The following PRUNE2 variants were observed in gnomAD, a reference collection of about 807,000 sequenced individuals.
PRUNE2 encodes protein prune homolog 2.
In PRUNE2, 164 loss-of-function variants were observed where a neutral mutation model predicts 252.0. The ratio of observed to expected loss-of-function variants is 0.65; its 90% CI spans 0.57 to 0.74. The LOEUF (loss-of-function observed/expected upper bound fraction) is 0.74. Among genes scored for constraint, PRUNE2 ranks in the 30% least tolerant of loss-of-function variants. The probability of loss-of-function intolerance (pLI) is 0.00; values close to 1 mark genes in which losing one functional copy is unlikely to be tolerated. For synonymous variants in PRUNE2, 1,292 were observed against 1,350.2 expected, an observed-to-expected ratio of 0.96 and a Z score of 0.94; for missense variants, 3,495 against 3,711.0, an observed-to-expected ratio of 0.94 and a Z score of 1.51.
Position 76,708,266 on chromosome 9 carries a change from C to T in PRUNE2, c.4008G>A (p.Arg1336=), listed in dbSNP as rs1554714567. The change falls in exon 8 of 19, where the codon AGG becomes AGA. Residue 1336 remains arginine, a synonymous_variant. Transcript: ENST00000376718. Reference sequence around the variant, plus strand: ...TCACCTCCTCTTCATCAAGGTGCCCCCTGTCAGTGGCTCCCTGGGCTTCCT... The same window carrying T: ...TCACCTCCTCTTCATCAAGGTGCCCTCTGTCAGTGGCTCCCTGGGCTTCCT... The part of the protein sequence containing the change: ...SEKEAQGATD[R]GHLDEEEVIA... 1 of 1,613,764 alleles carries T rather than the reference C, an allele frequency of 6.2e-7. No homozygotes were observed. The highest frequency in any genetic ancestry group is 2.2e-5 in the East Asian group (1 of 44,882).
At chr9:76,825,994 A>T (rs1000390986) in intron 5 of PRUNE2, among the ~76,000 whole-genome samples, 1 of 152,204 alleles carries the variant, frequency 6.6e-6, no homozygotes, top group Non-Finnish European at 1.5e-5. Context: ...TCCTATCAGC[A>T]TAAGGATTGC....
At chr9:76,786,481 C>T (rs977207362) in intron 6 of PRUNE2, 1 of 152,292 alleles carries the variant, frequency 6.6e-6, no homozygotes, top group Admixed American at 6.5e-5. Context: ...GAGTTGAATT[C>T]TCCTATTATG....
chr9:76,762,501 T>C (rs952293114), intron 6 of PRUNE2, among the ~76,000 whole-genome samples: 10 of 152,300 alleles, frequency 6.6e-5, no homozygotes, highest in African/African-American at 4.8e-5. Context: ...CTTTTTACTA[T>C]AGATTCCACA....
intron 9 of PRUNE2, among the ~76,000 whole-genome samples, chr9:76,674,026 T>C (rs1409382243): frequency 1.3e-5 from 2 of 152,114 alleles, no homozygotes; most frequent in Admixed American, 6.5e-5. Context: ...ACCACCTCTA[T>C]TCAACATAGT....
At chr9:76,865,132 T>C (rs1328592523) in intron 1 of PRUNE2, among the ~76,000 whole-genome samples, 1 of 152,204 alleles carries the variant, frequency 6.6e-6, no homozygotes, top group Non-Finnish European at 1.5e-5. Context: ...GTAGTGCACC[T>C]CAGTGTTAGA....
chr9:76,639,033 T>C (rs971269433), intron 12 of PRUNE2, among the ~76,000 whole-genome samples: 4 of 152,182 alleles, frequency 2.6e-5, no homozygotes, highest in African/African-American at 9.7e-5. Context: ...CTTAAGCGTA[T>C]GTCCTGTCCT....
chr9:76,779,162 T>C (rs534375659), intron 6 of PRUNE2, among the ~76,000 whole-genome samples: 1 of 152,168 alleles, frequency 6.6e-6, no homozygotes, highest in African/African-American at 2.4e-5. Flanking sequence ...GCAATACTTA[T>C]GTTCACAGGA....
intron 6 of PRUNE2, among the ~76,000 whole-genome samples, chr9:76,752,909 T>C (rs887319533): frequency 6.6e-6 from 1 of 152,210 alleles, no homozygotes; most frequent in African/African-American, 2.4e-5. Context: ...AAAAGAGTCA[T>C]TGGGCTGCCC....
At chr9:76,885,984 C>T (rs1213737499) in intron 1 of PRUNE2, among the ~76,000 whole-genome samples, 1 of 151,900 alleles carries the variant, frequency 6.6e-6, no homozygotes, top group Non-Finnish European at 1.5e-5. Flanking sequence ...TCAAGACCAT[C>T]CTGGCCAACA....
chr9:76,773,425 C>T (rs1564269289), intron 6 of PRUNE2, among the ~76,000 whole-genome samples: 1 of 147,392 alleles, frequency 6.8e-6, no homozygotes, highest in Non-Finnish European at 1.5e-5. Flanking sequence ...ACATCACATA[C>T]ACACTAGTAC....
intron 6 of PRUNE2, among the ~76,000 whole-genome samples, chr9:76,799,007 G>A (rs548024608): frequency 1.3e-5 from 2 of 152,266 alleles, no homozygotes; most frequent in East Asian, 1.9e-4. Flanking sequence ...GATCACCCTG[G>A]CAGGCTTCTT....
intron 9 of PRUNE2, among the ~76,000 whole-genome samples, chr9:76,694,866 G>C (rs1005087220): frequency 6.6e-5 from 10 of 151,964 alleles, no homozygotes; most frequent in Non-Finnish European, 2.9e-5. Flanking sequence ...TGGAGTTTTA[G>C]TTATTCTCTG....
At chr9:76,807,051 T>TGCGCGCGC (rs139801181) in intron 6 of PRUNE2, among the ~76,000 whole-genome samples, 17 of 139,454 alleles carry the variant, frequency 1.2e-4, no homozygotes, top group East Asian at 1.0e-3. Flanking sequence ...TGTGTGTGTG[T>TGCGCGCGC]GCGCGCGCGC....
chr9:76,705,298 C>A lies in PRUNE2; in HGVS notation c.6976G>T (p.Glu2326Ter). The change falls in exon 8 of 19, where the codon GAA (glutamate) becomes TAA (stop). Residue 2326 changes from glutamate to a stop codon, truncating the protein, a stop_gained. Coordinates refer to ENST00000376718, the MANE Select transcript of PRUNE2 (RefSeq NM_015225.3). LOFTEE classifies it high-confidence loss of function. Reference sequence around the variant, plus strand: ...TCAACTGGCGTTTCCGGATGGCCTTCGGATAATGTCAGTTTACTCATGTCA... The same window carrying A: ...TCAACTGGCGTTTCCGGATGGCCTTAGGATAATGTCAGTTTACTCATGTCA... ...IDDMSKLTLSEGHPETPVDGD... is the reference protein window; with the variant it reads ...IDDMSKLTLS 6.2e-7 allele frequency: 1 copy of A among 1,613,986 alleles called. No homozygotes were observed. The highest frequency in any genetic ancestry group is 1.6e-4 in the Middle Eastern group (1 of 6,062).
chr9:76,854,495 T>G (rs1231869681), intron 1 of PRUNE2, among the ~76,000 whole-genome samples: 2 of 152,216 alleles, frequency 1.3e-5, no homozygotes, highest in Non-Finnish European at 2.9e-5. Flanking sequence ...TCGTAATTTT[T>G]TTAGTAAGTA....
Position 76,877,424 on chromosome 9 carries a change from C to T in PRUNE2, c.37-23216G>A, listed in dbSNP as rs148585757. ...GGGAGGCTTGCTTGAACCCAGGAGG[C>T]GGAGGTTGCAGTGAGCCAAAATTGT... On this transcript the variant is annotated intron_variant, in intron 1 of 18. Transcript: ENST00000376718. 7.1e-3 allele frequency among the ~76,000 whole-genome samples: 1,073 copies of T among 152,032 alleles called. 5 individuals are homozygous for T. Among genetic ancestry groups the T allele is most frequent in the Non-Finnish European group, 0.012 (790 of 67,964 alleles).
At chr9:76,645,185 C>A in intron 11 of PRUNE2, 1 of 325,246 alleles carries the variant, frequency 3.1e-6, no homozygotes, top group East Asian at 5.9e-5. Flanking sequence ...AGACTAGGTG[C>A]AAAACTTAAG....
chr9:76,704,134 A>C (rs620476), intron 8 of PRUNE2, 35 bp from the exon 9 acceptor site: 1,143,718 of 1,485,760 alleles, frequency 0.77, 442,484 homozygotes, highest in East Asian at 0.96. Context: ...AAGAGGAGAA[A>C]AAGGTTTAAT....
chr9:76,833,886 GTTTTTTTT>G (rs71354685), intron 4 of PRUNE2, among the ~76,000 whole-genome samples: 1 of 141,294 alleles, frequency 7.1e-6, no homozygotes, highest in Non-Finnish European at 1.5e-5. Context: ...GGGTTTTTTT[GTTTTTTTT>G]TTTTTAAGAT....
Sources: gnomAD v4.1 joint callset for allele counts (sites outside exome capture counted in the v4.1 genomes callset) on GRCh38, gnomAD v4.1.1 for gene constraint, MANE v1.5 for transcripts, NCBI Gene and HGNC (gene_info 2026-07-23, HGNC 2026-07-21) for gene names.